MORC1: variants seen among roughly 807,000 people sequenced by gnomAD.
The protein encoded by MORC1 is MORC family CW-type zinc finger protein 1.
In MORC1, 59 loss-of-function variants were observed where a neutral mutation model predicts 134.9. That is an observed-to-expected ratio of 0.44 (90% CI 0.35 to 0.54). MORC1 has a LOEUF of 0.54. Among genes scored for constraint, MORC1 ranks in the 20% least tolerant of loss-of-function variants. MORC1 has a pLI of 0.00. For missense variants in MORC1, 947 were observed against 1,134.5 expected (o/e 0.83, Z 2.37); for synonymous variants, 395 against 391.7 (o/e 1.01, Z -0.10).
intron 17 of MORC1, among the ~76,000 whole-genome samples, 175 bp from the exon 18 acceptor site, chr3:109,007,266 T>A (rs1411628949): frequency 1.3e-5 from 2 of 152,176 alleles, no homozygotes; most frequent in Non-Finnish European, 2.9e-5. Context: ...ATGTTCTGAT[T>A]AGTAGTGACA....
chr3:109,104,845 G>A (rs897608171), intron 3 of MORC1, among the ~76,000 whole-genome samples: 2 of 144,004 alleles, frequency 1.4e-5, no homozygotes, highest in African/African-American at 2.6e-5. Context: ...CATGTTTAAA[G>A]TGCACAATTT....
rs111231547 is a variant in MORC1, at chr3:108,989,027, A to G, written c.2188-2078T>C. Among the ~76,000 whole-genome samples the G allele has an allele frequency of 7.7e-3, 1,166 of 152,276 alleles. 10 individuals carry two copies. The highest frequency in any genetic ancestry group is 0.017 in the African/African-American group (709 of 41,562). ...TGATGTTTAAAAGATTTTTGGATAA[A>G]TGATTTAAAGCCTACAGTATTTTCT... On this transcript the variant is annotated intron_variant, in intron 21 of 27. Coordinates refer to ENST00000232603, the MANE Select transcript of MORC1 (RefSeq NM_014429.4).
At chr3:109,000,800 G>T (rs1948384331) in intron 20 of MORC1, 142 bp from the exon 21 acceptor site, 1 of 609,422 alleles carries the variant, frequency 1.6e-6, no homozygotes, top group East Asian at 2.7e-5. Context: ...TCCGATCTTT[G>T]TGTATGATAA....
intron 24 of MORC1, among the ~76,000 whole-genome samples, chr3:108,974,453 C>T (rs927256092): frequency 2.6e-5 from 4 of 152,154 alleles, no homozygotes; most frequent in African/African-American, 9.7e-5. Context: ...TACATCTTAT[C>T]AAACCTCTCT....
At chr3:109,104,865 TAACA>T (rs1162385117) in intron 3 of MORC1, among the ~76,000 whole-genome samples, 1 of 87,700 alleles carries the variant, frequency 1.1e-5, no homozygotes. Flanking sequence ...TGACAAATTT[TAACA>T]CACACACACA....
chr3:109,106,136 T>C (rs1951029456), intron 3 of MORC1, among the ~76,000 whole-genome samples: 1 of 152,238 alleles, frequency 6.6e-6, no homozygotes, highest in South Asian at 2.1e-4. Context: ...GGTTCAGAAA[T>C]TGGTATTTTC....
chr3:109,001,030 TAAAG>T (rs1293384378), intron 20 of MORC1, among the ~76,000 whole-genome samples: 1 of 152,242 alleles, frequency 6.6e-6, no homozygotes, highest in Non-Finnish European at 1.5e-5. Context: ...CAAGTGCTTA[TAAAG>T]AATTTCACAA....
At chr3:109,008,443 A>G in intron 17 of MORC1, among the ~76,000 whole-genome samples, 1 of 119,970 alleles carries the variant, frequency 8.3e-6, no homozygotes, top group African/African-American at 3.4e-5. Flanking sequence ...TTGAGAGTGC[A>G]GAGTATATAT....
chr3:109,031,044 T>A (rs1008934014), intron 16 of MORC1, among the ~76,000 whole-genome samples: 1 of 152,190 alleles, frequency 6.6e-6, no homozygotes, highest in Admixed American at 6.5e-5. Flanking sequence ...AATTTTACAA[T>A]GCTCTGAGGT....
At chr3:108,997,285 C>T (rs757691628) in intron 21 of MORC1, among the ~76,000 whole-genome samples, 5 of 152,182 alleles carry the variant, frequency 3.3e-5, no homozygotes, top group Admixed American at 6.5e-5. Flanking sequence ...GTAATCCCAC[C>T]ACTTTGGGAG....
chr3:109,026,500 T>C (rs1302481141), intron 17 of MORC1, among the ~76,000 whole-genome samples: 2 of 152,226 alleles, frequency 1.3e-5, no homozygotes, highest in South Asian at 4.1e-4. Context: ...TAAGTCTTGA[T>C]GATTGGCATT....
chr3:109,003,391 GCACA>G (rs3054383), intron 20 of MORC1, among the ~76,000 whole-genome samples: 12,655 of 146,652 alleles, frequency 0.086, 1,371 homozygotes, highest in African/African-American at 0.25. Flanking sequence ...ATATGTGTAT[GCACA>G]CACACACACA....
At chr3:108,998,567 C>T (rs956005123) in intron 21 of MORC1, among the ~76,000 whole-genome samples, 2 of 152,144 alleles carry the variant, frequency 1.3e-5, no homozygotes, top group African/African-American at 4.8e-5. Context: ...GGGGCACATA[C>T]ACTCACACGT....
At chr3:109,021,355 A>C (rs1188883732) in intron 17 of MORC1, among the ~76,000 whole-genome samples, 1 of 152,190 alleles carries the variant, frequency 6.6e-6, no homozygotes, top group Non-Finnish European at 1.5e-5. Context: ...TTCAGGCAAC[A>C]CATCTGAACC....
intron 14 of MORC1, among the ~76,000 whole-genome samples, chr3:109,048,201 G>A (rs1386779586): frequency 6.6e-6 from 1 of 152,136 alleles, no homozygotes; most frequent in Non-Finnish European, 1.5e-5. Flanking sequence ...GAGAGAGTGT[G>A]AGACAGCGAT....
intron 3 of MORC1, among the ~76,000 whole-genome samples, chr3:109,107,948 C>A (rs920200294): frequency 1.3e-5 from 2 of 152,128 alleles, no homozygotes; most frequent in Non-Finnish European, 2.9e-5. Flanking sequence ...GTAATCCCAG[C>A]ACTTTGGGAG....
At chr3:109,033,658 T>C (rs1949298740) in intron 15 of MORC1, among the ~76,000 whole-genome samples, 1 of 152,166 alleles carries the variant, frequency 6.6e-6, no homozygotes, top group African/African-American at 2.4e-5. Flanking sequence ...GGACAAATTA[T>C]TTAACTGCTT....
chr3:109,102,358 C>T (rs1950944584), intron 4 of MORC1, among the ~76,000 whole-genome samples: 1 of 152,018 alleles, frequency 6.6e-6, no homozygotes, highest in Admixed American at 6.5e-5. Flanking sequence ...TGGAAAACCA[C>T]TGAGGGTTTT....
At chr3:108,982,230 G>A (rs1198570550) in intron 23 of MORC1, among the ~76,000 whole-genome samples, 1 of 152,064 alleles carries the variant, frequency 6.6e-6, no homozygotes, top group Non-Finnish European at 1.5e-5. Flanking sequence ...TTAGAATGGC[G>A]ATCATTAAAA....
Sources: gnomAD v4.1 joint callset for allele counts (sites outside exome capture counted in the v4.1 genomes callset) on GRCh38, gnomAD v4.1.1 for gene constraint, MANE v1.5 for transcripts, NCBI Gene and HGNC (gene_info 2026-07-23, HGNC 2026-07-21) for gene names.